The following FGF12 variants were observed in gnomAD, a reference collection of about 807,000 sequenced individuals.
The protein encoded by FGF12 is fibroblast growth factor 12B.
FGF12 carries 14 observed loss-of-function variants against 23.6 expected under a neutral mutation model. The ratio of observed to expected loss-of-function variants is 0.59; its 90% CI spans 0.39 to 0.93. The LOEUF is 0.93. Among genes scored for constraint, FGF12 ranks in the 40% least tolerant of loss-of-function variants. FGF12 has a pLI of 0.00. For synonymous variants in FGF12, 62 were observed against 77.3 expected (o/e 0.80, Z 1.04); for missense variants, 175 against 217.8 (o/e 0.80, Z 1.24).
At chr3:192,232,415 T>C (rs554385515) in intron 4 of FGF12, among the ~76,000 whole-genome samples, 2 of 152,312 alleles carry the variant, frequency 1.3e-5, no homozygotes, top group South Asian at 4.1e-4. Flanking sequence ...TTCATTGATG[T>C]ATATGCACAA....
intron 4 of FGF12, among the ~76,000 whole-genome samples, chr3:192,212,979 G>A (rs140079647): frequency 5.1e-4 from 77 of 152,272 alleles, no homozygotes; most frequent in African/African-American, 1.8e-3. Context: ...TATCTGTCTC[G>A]TGCCAGTCCC....
At chr3:192,195,778 A>G (rs1717038142) in intron 4 of FGF12, among the ~76,000 whole-genome samples, 2 of 152,206 alleles carry the variant, frequency 1.3e-5, no homozygotes, top group African/African-American at 4.8e-5. Flanking sequence ...GTATACACAC[A>G]CACACGCACA....
chr3:192,703,005 C>T (rs1179740036), intron 2 of FGF12, among the ~76,000 whole-genome samples: 1 of 152,104 alleles, frequency 6.6e-6, no homozygotes, highest in African/African-American at 2.4e-5. Context: ...TCGTTCTATA[C>T]CTGACAAAGT....
At chr3:192,506,560 T>TG (rs1415982845) in intron 2 of FGF12, among the ~76,000 whole-genome samples, 1 of 152,026 alleles carries the variant, frequency 6.6e-6, no homozygotes, top group African/African-American at 2.4e-5. Context: ...TTAGTAGAGA[T>TG]GGGGTTTCAC....
chr3:192,347,944 C>G (rs150283956), intron 3 of FGF12, among the ~76,000 whole-genome samples: 15 of 152,268 alleles, frequency 9.9e-5, no homozygotes, highest in Middle Eastern at 3.4e-3. Flanking sequence ...AAGTGTTAAA[C>G]TAATTGCCCA....
At chr3:192,464,423 T>C (rs1377990673) in intron 2 of FGF12, among the ~76,000 whole-genome samples, 1 of 151,930 alleles carries the variant, frequency 6.6e-6, no homozygotes, top group South Asian at 2.1e-4. Context: ...TCACTTAGAA[T>C]AGCGGTCTCC....
chr3:192,482,223 G>A (rs1022207344), intron 2 of FGF12, among the ~76,000 whole-genome samples: 6 of 152,120 alleles, frequency 3.9e-5, no homozygotes, highest in African/African-American at 1.2e-4. Context: ...AAATGTGTAT[G>A]AGAAAAAATA....
rs568803182 is a variant in FGF12, at chr3:192,553,602, A to T, written c.13+173579T>A. Reference sequence around the variant, plus strand: ...AATGTCCCTTGTTAGAAACCCATAAACCAGTTATGAGGTTCCTGAACCTCA... The same window carrying T: ...AATGTCCCTTGTTAGAAACCCATAATCCAGTTATGAGGTTCCTGAACCTCA... On this transcript the variant is annotated intron_variant, in intron 2 of 5. Transcript: ENST00000445105. Among the ~76,000 whole-genome samples, 10 of 152,252 alleles carry T rather than the reference A, an allele frequency of 6.6e-5. No homozygotes were observed. The East Asian group carries it at 1.9e-3, about 29-fold the overall frequency.
At chr3:192,557,725 G>A (rs1415654919) in intron 2 of FGF12, among the ~76,000 whole-genome samples, 5 of 151,886 alleles carry the variant, frequency 3.3e-5, no homozygotes. Flanking sequence ...TTTATTACCA[G>A]GTGGTAACAT....
At chr3:192,688,790 C>T (rs887993864) in intron 2 of FGF12, among the ~76,000 whole-genome samples, 19 of 152,112 alleles carry the variant, frequency 1.2e-4, no homozygotes, top group Admixed American at 3.9e-4. Flanking sequence ...CATGCACCCC[C>T]GTGTGTATTG....
chr3:192,338,997 T>C (rs1717555495), intron 3 of FGF12, among the ~76,000 whole-genome samples: 1 of 152,154 alleles, frequency 6.6e-6, no homozygotes, highest in African/African-American at 2.4e-5. Flanking sequence ...AAGTTTTTCC[T>C]ACATGGAATG....
At chr3:192,413,417 C>T (rs1721257308) in intron 2 of FGF12, among the ~76,000 whole-genome samples, 1 of 152,158 alleles carries the variant, frequency 6.6e-6, no homozygotes, top group Non-Finnish European at 1.5e-5. Context: ...TAAACTACAT[C>T]TGCAAAATAG....
chr3:192,649,336 G>A (rs1044835981), intron 2 of FGF12, among the ~76,000 whole-genome samples: 2 of 152,072 alleles, frequency 1.3e-5, no homozygotes, highest in Non-Finnish European at 2.9e-5. Context: ...TTCAATGGGC[G>A]GAAAGAGCTA....
chr3:192,209,038 A>G (rs1717796565), intron 4 of FGF12, among the ~76,000 whole-genome samples: 1 of 152,222 alleles, frequency 6.6e-6, no homozygotes, highest in Non-Finnish European at 1.5e-5. Context: ...ACTTGGCTAC[A>G]TTACTTAAAA....
chr3:192,658,092 T>C (rs6798455), intron 2 of FGF12, among the ~76,000 whole-genome samples: 85,423 of 151,920 alleles, frequency 0.56, 24,444 homozygotes, highest in East Asian at 0.67. Context: ...GAAGTTTAAC[T>C]AGGACAAAAA....
chr3:192,369,514 T>C (rs1281286065), intron 2 of FGF12, among the ~76,000 whole-genome samples: 1 of 152,184 alleles, frequency 6.6e-6, no homozygotes, highest in Non-Finnish European at 1.5e-5. Context: ...TTTTTGGAGT[T>C]TCCTCTTCAC....
chr3:192,597,333 G>C (rs1713901730), intron 2 of FGF12, among the ~76,000 whole-genome samples: 1 of 152,036 alleles, frequency 6.6e-6, no homozygotes, highest in East Asian at 1.9e-4. Flanking sequence ...GCAAATATAG[G>C]CATATTATTG....
intron 4 of FGF12, among the ~76,000 whole-genome samples, chr3:192,202,362 A>T (rs1717416563): frequency 6.6e-6 from 1 of 152,220 alleles, no homozygotes; most frequent in Non-Finnish European, 1.5e-5. Context: ...TGTCTACATG[A>T]TAGCAAAATC....
chr3:192,166,535 G>A (rs1322046128), intron 5 of FGF12, among the ~76,000 whole-genome samples: 2 of 152,190 alleles, frequency 1.3e-5, no homozygotes, highest in East Asian at 1.9e-4. Context: ...AAGTCAGAAT[G>A]CTTTGGTTTC....
Sources: allele counts gnomAD v4.1 joint callset (sites outside exome capture counted in the v4.1 genomes callset), GRCh38; gene constraint gnomAD v4.1.1; transcripts MANE v1.5; gene names NCBI Gene and HGNC (gene_info 2026-07-23, HGNC 2026-07-21).